The following GC variants were observed in gnomAD, a reference collection of about 807,000 sequenced individuals.
GC encodes the protein vitamin D-binding protein.
In GC, 43 loss-of-function variants were observed where a neutral mutation model predicts 56.7. The ratio of observed to expected loss-of-function variants is 0.76; its 90% CI spans 0.59 to 0.98. GC has a LOEUF of 0.98. Ranked by LOEUF, GC falls within the 50% of genes least tolerant of loss-of-function variation. The pLI is 0.00. For synonymous variants in GC, 216 were observed against 202.7 expected, an observed-to-expected ratio of 1.07 and a Z score of -0.56; for missense variants, 529 against 545.9, an observed-to-expected ratio of 0.97 and a Z score of 0.31.
rs758165706 is a variant in GC at position 71,763,396 on chromosome 4, C to T, written c.701+12G>A. 6 of 1,446,822 alleles carry T rather than the reference C, an allele frequency of 4.1e-6. No individual in the cohort carries two copies. In the East Asian group the frequency reaches 1.1e-4, roughly 27 times the overall value. The allele number at this position is 1,446,822 out of a possible 1,614,324, so 89.6% of individuals were successfully genotyped here. ...CAAACATCTAAATATGACAATAGCA[C>T]TTAATCTTTACCTGAGCCTTGATTT... On this transcript the variant is annotated intron_variant, in intron 6 of 12. Coordinates refer to ENST00000273951, the MANE Select transcript of GC (RefSeq NM_000583.4).
chr4:71,781,459 G>T (rs563062341), intron 1 of GC, among the ~76,000 whole-genome samples: 42 of 151,764 alleles, frequency 2.8e-4, no homozygotes, highest in Non-Finnish European at 5.0e-4. Flanking sequence ...TTAGTGCTCT[G>T]TTAACAGTGT....
At position 71,769,354 on chromosome 4, in the gene GC, C is replaced by T. The variant is rs1303183962; in HGVS notation, c.105G>A (p.Leu35=). The T allele has an allele frequency of 6.2e-7, 1 of 1,612,940 alleles. No homozygotes were observed. Among genetic ancestry groups the T allele is most frequent in the Non-Finnish European group, 8.5e-7 (1 of 1,179,074 alleles). Residue 35 remains leucine (L), a synonymous_variant, in exon 2 of 13, where the codon CTG becomes CTA. Coordinates refer to ENST00000273951, the MANE Select transcript of GC (RefSeq NM_000583.4). ...KNKVCKEFSH[L]GKEDFTSLSL... The stretch of plus-strand genomic sequence containing the variant: ...ACAGAGATGTGAAGTCCTCCTTTCC[C>T]AGATGGGAGAATTCCTTGCAGACTT...
intron 11 of GC, among the ~76,000 whole-genome samples, chr4:71,746,578 A>C (rs1741372399): frequency 6.6e-6 from 1 of 151,950 alleles, no homozygotes; most frequent in Non-Finnish European, 1.5e-5. Context: ...TGAATGATTC[A>C]GCCACGGCAA....
At chr4:71,804,848 G>A (rs1161592460), upstream of GC, among the ~76,000 whole-genome samples, 2 of 150,470 alleles carry the variant, frequency 1.3e-5, no homozygotes, top group Non-Finnish European at 3.0e-5. Context: ...CAGTTTACTG[G>A]GGGAGGGGGG....
chr4:71,768,187 C>G, intron 3 of GC, 114 bp downstream of exon 3: 9 of 776,570 alleles, frequency 1.2e-5, no homozygotes, highest in Non-Finnish European at 1.8e-5. Flanking sequence ...ATATTTCCCC[C>G]AAACTAGGAG....
At chr4:71,798,557 T>A (rs557905758) in intron 1 of GC, among the ~76,000 whole-genome samples, 1 of 152,214 alleles carries the variant, frequency 6.6e-6, no homozygotes, top group Non-Finnish European at 1.5e-5. Context: ...CTTAGGGTGG[T>A]TGTGTGAAGG....
chr4:71,761,675 A>C (rs201379883), intron 6 of GC, among the ~76,000 whole-genome samples: 3 of 152,178 alleles, frequency 2.0e-5, no homozygotes, highest in East Asian at 3.9e-4. Flanking sequence ...TGCTGTGTGC[A>C]GTCTAGGTAT....
intron 1 of GC, among the ~76,000 whole-genome samples, chr4:71,776,510 G>T (rs1456601123): frequency 6.6e-6 from 1 of 151,894 alleles, no homozygotes; most frequent in Admixed American, 6.6e-5. Flanking sequence ...GAAGAGGAGG[G>T]AGGGAATGAG....
At chr4:71,779,852 G>A (rs1438415498) in intron 1 of GC, among the ~76,000 whole-genome samples, 1 of 151,746 alleles carries the variant, frequency 6.6e-6, no homozygotes, top group Non-Finnish European at 1.5e-5. Context: ...CTTGCGTAGG[G>A]CTGTTTTGAC....
chr4:71,757,871 C>G (rs1479801768), intron 7 of GC, among the ~76,000 whole-genome samples, 171 bp downstream of exon 7: 1 of 152,166 alleles, frequency 6.6e-6, no homozygotes, highest in East Asian at 1.9e-4. Flanking sequence ...TACTAATCTT[C>G]TGTTTTCTCA....
intron 7 of GC, among the ~76,000 whole-genome samples, chr4:71,757,158 A>G (rs1233453127): frequency 6.6e-6 from 1 of 152,208 alleles, no homozygotes; most frequent in Non-Finnish European, 1.5e-5. Flanking sequence ...AAACGACAAC[A>G]ACTATAAGGC....
chr4:71,774,880 C>A (rs889442869), intron 1 of GC, among the ~76,000 whole-genome samples: 1 of 151,720 alleles, frequency 6.6e-6, no homozygotes, highest in African/African-American at 2.4e-5. Context: ...ACATTTTGTC[C>A]ATGAGTTAGA....
At chr4:71,743,020 A>C (rs1741237745) in intron 12 of GC, among the ~76,000 whole-genome samples, 1 of 152,146 alleles carries the variant, frequency 6.6e-6, no homozygotes, top group Non-Finnish European at 1.5e-5. Flanking sequence ...TGTCTCCAAA[A>C]GTGCATGCAA....
At chr4:71,758,550 A>G (rs2149297751) in intron 6 of GC, among the ~76,000 whole-genome samples, 1 of 152,288 alleles carries the variant, frequency 6.6e-6, no homozygotes, top group Non-Finnish European at 1.5e-5. Flanking sequence ...GTGTTTTATA[A>G]ATTCTTTTAG....
At chr4:71,769,710 G>T (rs1446689694) in intron 1 of GC, 2 of 208,468 alleles carry the variant, frequency 9.6e-6, no homozygotes, top group Non-Finnish European at 9.8e-6. Context: ...CAACTATTAG[G>T]TCCTATCTTT....
At chr4:71,766,408 G>A (rs1742160493) in intron 3 of GC, among the ~76,000 whole-genome samples, 1 of 152,050 alleles carries the variant, frequency 6.6e-6, no homozygotes, top group Admixed American at 6.6e-5. Context: ...AGCAGACTAA[G>A]CACCATCAAA....
chr4:71,794,791 A>G (rs1743056735), intron 1 of GC, among the ~76,000 whole-genome samples: 1 of 152,086 alleles, frequency 6.6e-6, no homozygotes, highest in South Asian at 2.1e-4. Flanking sequence ...TCTTGTGGGC[A>G]TTTAGTGGTA....
At chr4:71,760,210 AT>A (rs371580776) in intron 6 of GC, among the ~76,000 whole-genome samples, 2,816 of 140,498 alleles carry the variant, frequency 0.02, 51 homozygotes, top group African/African-American at 0.054. Flanking sequence ...TGCCTGGCTA[AT>A]TTTTTTTTTT....
At chr4:71,796,671 C>T (rs767312082) in intron 1 of GC, among the ~76,000 whole-genome samples, 10 of 152,180 alleles carry the variant, frequency 6.6e-5, no homozygotes, top group Admixed American at 2.6e-4. Flanking sequence ...TCTGTCAGTT[C>T]GTCAAAGTCA....
Sources: gnomAD v4.1 joint callset for allele counts (sites outside exome capture counted in the v4.1 genomes callset) on GRCh38, gnomAD v4.1.1 for gene constraint, MANE v1.5 for transcripts, NCBI Gene and HGNC (gene_info 2026-07-23, HGNC 2026-07-21) for gene names.